FAM13B: variants seen among roughly 807,000 people sequenced by gnomAD.
FAM13B encodes the protein family with sequence similarity 13 member B, also known as protein FAM13B.
A neutral mutation model predicts 117.3 loss-of-function variants in FAM13B; 60 were observed. The ratio of observed to expected loss-of-function variants is 0.51; its 90% CI spans 0.42 to 0.63. The LOEUF is 0.63. Ranked by LOEUF, FAM13B falls within the 30% of genes least tolerant of loss-of-function variation. The pLI is 0.00. For synonymous variants in FAM13B, 332 were observed against 356.1 expected, an observed-to-expected ratio of 0.93 and a Z score of 0.76; for missense variants, 972 against 1,091.9, an observed-to-expected ratio of 0.89 and a Z score of 1.55.
intron 1 of FAM13B, among the ~76,000 whole-genome samples, chr5:138,045,421 C>T (rs562030082): frequency 6.6e-6 from 1 of 152,158 alleles, no homozygotes; most frequent in Admixed American, 6.5e-5. Context: ...GTAATCGCAG[C>T]TACTCAGGAG....
rs1561492748 is a variant in FAM13B, at chr5:137,983,213, A to AAAAAAAAAAAAAAAAC, written c.1179+2043_1179+2044insGTTTTTTTTTTTTTTT. Among the ~76,000 whole-genome samples the AAAAAAAAAAAAAAAAC allele has an allele frequency of 2.9e-4, 27 of 93,720 alleles. 2 individuals are homozygous for AAAAAAAAAAAAAAAAC. Among genetic ancestry groups the AAAAAAAAAAAAAAAAC allele is most frequent in the Non-Finnish European group, 3.4e-4 (15 of 43,940 alleles). The allele number at this position is 93,720 out of a possible 152,430, so 61.5% of individuals were successfully genotyped here. A position where few individuals can be genotyped will look rare whatever the true frequency, so the allele number is the denominator to read the frequency against. On this transcript the variant is annotated intron_variant, in intron 10 of 23. Transcript: ENST00000689681. ...AAAAAAAAAAAAAAAAAAAAAAAAA[A>AAAAAAAAAAAAAAAAC]AACCGAGTGAGATATCCTGAATGCC...
chr5:137,966,490 G>T (rs12653113), intron 10 of FAM13B, among the ~76,000 whole-genome samples: 2,384 of 55,436 alleles, frequency 0.043, 26 homozygotes, highest in Non-Finnish European at 0.059. Flanking sequence ...TATATATATA[G>T]AGAGAGAGAG....
upstream of FAM13B, chr5:138,033,099 G>A (rs1790627915): frequency 2.0e-6 from 2 of 977,882 alleles, no homozygotes; most frequent in South Asian, 4.7e-5. Flanking sequence ...AGGCCGGGCC[G>A]GACGTGACGT....
upstream of FAM13B, among the ~76,000 whole-genome samples, chr5:138,034,995 C>CTATTTTTTTTTTTTTTTTTTT (rs1790972944): frequency 2.9e-5 from 1 of 34,364 alleles, no homozygotes; most frequent in East Asian, 1.4e-3. Flanking sequence ...ATTCCCTTGC[C>CTATTTTTTTTTTTTTTTTTTT]TTTTTTTTTT....
intron 17 of FAM13B, among the ~76,000 whole-genome samples, chr5:137,951,076 G>A (rs1764821732): frequency 6.6e-6 from 1 of 152,054 alleles, no homozygotes; most frequent in African/African-American, 2.4e-5. Flanking sequence ...TGGGCATGGT[G>A]GCATGTGCCT....
intron 10 of FAM13B, among the ~76,000 whole-genome samples, chr5:137,976,407 G>A (rs867176758): frequency 1.4e-4 from 22 of 151,990 alleles, no homozygotes; most frequent in African/African-American, 5.1e-4. Context: ...ATCACTAAAT[G>A]CAATAAATTT....
chr5:138,033,585 C>G (rs1790751063), upstream of FAM13B, among the ~76,000 whole-genome samples: 3 of 152,174 alleles, frequency 2.0e-5, no homozygotes, highest in South Asian at 6.2e-4. Flanking sequence ...ACCTAGACTC[C>G]AGAGAGAACA....
intron 7 of FAM13B, among the ~76,000 whole-genome samples, chr5:138,003,186 T>TA (rs1781708038): frequency 6.6e-6 from 1 of 152,166 alleles, no homozygotes; most frequent in Non-Finnish European, 1.5e-5. Context: ...AGGTAATTTA[T>TA]AAAAATTTTT....
chr5:138,020,219 C>T (rs1786351283), intron 2 of FAM13B, among the ~76,000 whole-genome samples: 1 of 151,934 alleles, frequency 6.6e-6, no homozygotes. Context: ...CGCCACCACG[C>T]CCGGCTAATT....
intron 7 of FAM13B, among the ~76,000 whole-genome samples, chr5:138,000,878 C>T (rs1001373991): frequency 7.0e-6 from 1 of 141,994 alleles, no homozygotes; most frequent in African/African-American, 2.6e-5. Flanking sequence ...TGCAGTGAGC[C>T]AAGATTGTGC....
At chr5:137,969,408 T>C (rs1449488740) in intron 10 of FAM13B, among the ~76,000 whole-genome samples, 1 of 152,096 alleles carries the variant, frequency 6.6e-6, no homozygotes, top group Non-Finnish European at 1.5e-5. Flanking sequence ...TCCTGTCTGT[T>C]AGAAGGAAAA....
At chr5:137,958,336 G>C (rs367864184) in intron 13 of FAM13B, among the ~76,000 whole-genome samples, 3 of 152,050 alleles carry the variant, frequency 2.0e-5, no homozygotes, top group African/African-American at 7.2e-5. Context: ...TATGCCACTG[G>C]GCATGCCAAA....
At chr5:137,998,087 C>T (rs1444482709) in intron 7 of FAM13B, among the ~76,000 whole-genome samples, 1 of 152,232 alleles carries the variant, frequency 6.6e-6, no homozygotes, top group African/African-American at 2.4e-5. Flanking sequence ...TGCTTTCAGC[C>T]TATAAAAGCC....
chr5:137,996,747 A>G (rs1779966386), intron 7 of FAM13B, among the ~76,000 whole-genome samples: 1 of 151,726 alleles, frequency 6.6e-6, no homozygotes, highest in African/African-American at 2.4e-5. Flanking sequence ...GCTCACCAAC[A>G]TGCTCAGCTA....
chr5:138,043,815 A>C (rs1196019599), intron 1 of FAM13B, among the ~76,000 whole-genome samples: 1 of 151,848 alleles, frequency 6.6e-6, no homozygotes, highest in Non-Finnish European at 1.5e-5. Flanking sequence ...GGCTCAAGCA[A>C]TCCTTTTGCC....
chr5:137,962,727 CT>C (rs1278713656), intron 10 of FAM13B, among the ~76,000 whole-genome samples: 1 of 152,106 alleles, frequency 6.6e-6, no homozygotes, highest in Non-Finnish European at 1.5e-5. Context: ...TACCATCCTT[CT>C]TCCTTAGAAT....
rs1005599471 is a variant in FAM13B, at chr5:137,954,493, TACATACAC to T, written c.1508-125_1508-118del. On this transcript the variant is annotated intron_variant, in intron 14 of 23. Transcript: ENST00000689681. ...ATATCATTATGTAGTGGTTCATATATACATACACACATACACACACACACACACACATA... is the reference window on the plus strand; with the variant it reads ...ATATCATTATGTAGTGGTTCATATATACATACACACACACACACACACATA... 9 of 632,606 alleles carry T rather than the reference TACATACAC, an allele frequency of 1.4e-5. No homozygotes were observed. In the African/African-American group the frequency reaches 1.5e-4, roughly 11 times the overall value. The allele number at this position is 632,606 out of a possible 1,614,324, so 39.2% of individuals were successfully genotyped here. A position where few individuals can be genotyped will look rare whatever the true frequency, so the allele number is the denominator to read the frequency against.
At chr5:138,003,259 C>T (rs972140941) in intron 7 of FAM13B, among the ~76,000 whole-genome samples, 19 of 152,034 alleles carry the variant, frequency 1.2e-4, no homozygotes, top group African/African-American at 4.6e-4. Flanking sequence ...AGGTACTACA[C>T]ACCGTGGATA....
intron 4 of FAM13B, among the ~76,000 whole-genome samples, chr5:138,017,351 T>C (rs1485295723): frequency 1.3e-5 from 2 of 152,170 alleles, no homozygotes; most frequent in Admixed American, 6.6e-5. Context: ...ATATACCTTC[T>C]CTGACAACAT....
Sources: allele counts gnomAD v4.1 joint callset (sites outside exome capture counted in the v4.1 genomes callset), GRCh38; gene constraint gnomAD v4.1.1; transcripts MANE v1.5; gene names NCBI Gene and HGNC (gene_info 2026-07-23, HGNC 2026-07-21).